Variants in NIT2 observed in about 807,000 individuals in gnomAD.
NIT2 encodes the protein omega-amidase NIT2.
Under a neutral mutation model 42.7 loss-of-function variants are expected in NIT2, and 46 were observed. The observed-to-expected ratio is 1.08, with a 90% CI of 0.85 to 1.38. The LOEUF (loss-of-function observed/expected upper bound fraction) is 1.38. Ranked by LOEUF, NIT2 falls within the 40% of genes most tolerant of loss-of-function variation. The pLI, the probability that NIT2 is intolerant of heterozygous loss-of-function variation, is 0.00. For synonymous variants in NIT2, 123 were observed against 121.9 expected (o/e 1.01, Z -0.06); for missense variants, 309 against 342.5 (o/e 0.90, Z 0.77).
intron 1 of NIT2, among the ~76,000 whole-genome samples, chr3:100,335,883 C>A (rs1024752820): frequency 6.6e-6 from 1 of 152,124 alleles, no homozygotes; most frequent in African/African-American, 2.4e-5. Context: ...TGGTGGCACG[C>A]CCCTTTAGTC....
chr3:100,352,137 T>C (rs1383167828), intron 7 of NIT2, among the ~76,000 whole-genome samples: 1 of 152,130 alleles, frequency 6.6e-6, no homozygotes, highest in Non-Finnish European at 1.5e-5. Context: ...TGTGGAGAAA[T>C]AGGAACACTT....
At chr3:100,339,062 T>C in intron 1 of NIT2, 25 bp from the exon 2 acceptor site, 2 of 1,474,962 alleles carry the variant, frequency 1.4e-6, no homozygotes, top group Admixed American at 3.3e-5. Context: ...TTCTGATAGC[T>C]GTTTTCTTTT....
intron 3 of NIT2, among the ~76,000 whole-genome samples, 179 bp downstream of exon 3, chr3:100,340,114 G>A (rs908212612): frequency 1.3e-5 from 2 of 152,100 alleles, no homozygotes; most frequent in African/African-American, 2.4e-5. Flanking sequence ...TTTGTCACCC[G>A]TGCTAGAGTA....
chr3:100,353,875 C>T (rs985626107), intron 8 of NIT2, among the ~76,000 whole-genome samples: 5 of 150,748 alleles, frequency 3.3e-5, no homozygotes, highest in Admixed American at 6.6e-5. Flanking sequence ...CTCCCGGGTT[C>T]GAGCCATTCT....
intron 7 of NIT2, chr3:100,349,140 G>A (rs1458715912): frequency 5.3e-5 from 17 of 323,278 alleles, no homozygotes; most frequent in East Asian, 2.1e-4. Context: ...TTTAAGAGAC[G>A]GGTCTTACCA....
intron 7 of NIT2, among the ~76,000 whole-genome samples, chr3:100,351,319 A>C (rs1452594322): frequency 6.6e-6 from 1 of 152,230 alleles, no homozygotes; most frequent in Admixed American, 6.5e-5. Flanking sequence ...AGCCAACAGA[A>C]CAAAGCTGGA....
At chr3:100,338,998 A>G (rs1576198369) in intron 1 of NIT2, 89 bp from the exon 2 acceptor site, 2 of 906,602 alleles carry the variant, frequency 2.2e-6, no homozygotes, top group South Asian at 1.3e-5. Context: ...CCCCGGGGAC[A>G]TAACTGCCTT....
chr3:100,351,563 G>A (rs1243547386), intron 7 of NIT2, among the ~76,000 whole-genome samples: 1 of 152,174 alleles, frequency 6.6e-6, no homozygotes, highest in Non-Finnish European at 1.5e-5. Context: ...TATGTAGAAA[G>A]CTGAAACTGG....
chr3:100,341,125 T>G lies in NIT2; in HGVS notation c.300T>G (p.Phe100Leu). Reference protein sequence around the residue: ...AGKLYNTCAVFGPDGTLLAKY... With the variant: ...AGKLYNTCAVLGPDGTLLAKY... ...AATTATATAACACCTGTGCTGTGTT[T>G]GGGCCTGATGGAACTTTACTAGCAA... The change falls in exon 4 of 10, where the codon TTT becomes TTG. Residue 100 changes from phenylalanine (F) to leucine (L), a missense_variant. Transcript: ENST00000394140. The G allele has an allele frequency of 6.2e-7, 1 of 1,613,668 alleles. No individual in the cohort carries two copies. The highest frequency in any genetic ancestry group is 8.5e-7 in the Non-Finnish European group (1 of 1,179,602).
At position 100,346,249 on chromosome 3, in the gene NIT2, C is replaced by T. The variant is rs763279064; in HGVS notation, c.499C>T (p.Gln167Ter). The T allele has an allele frequency of 6.2e-7, 1 of 1,613,948 alleles. No homozygotes were observed. Among genetic ancestry groups the T allele is most frequent in the Non-Finnish European group, 8.5e-7 (1 of 1,179,888 alleles). Residue 167 changes from glutamine to a stop codon, truncating the protein, a stop_gained, in exon 6 of 10, where the codon CAG (glutamine) becomes TAG (stop). Transcript: ENST00000394140. LOFTEE classifies it high-confidence loss of function. ...TGCAGAGCTTGCACAAATCTACGCACAGAGAGGTGAGGCAGTGTAATAGCT... is the reference window on the plus strand; with the variant it reads ...TGCAGAGCTTGCACAAATCTACGCATAGAGAGGTGAGGCAGTGTAATAGCT... Reference protein sequence around the residue: ...RFAELAQIYAQRGCQLLVYPG... With the variant: ...RFAELAQIYA
chr3:100,339,391 G>T (rs192861310), intron 2 of NIT2, among the ~76,000 whole-genome samples, 186 bp downstream of exon 2: 1 of 152,280 alleles, frequency 6.6e-6, no homozygotes, highest in Non-Finnish European at 1.5e-5. Flanking sequence ...TGCCAACACG[G>T]TCATAGGTCT....
At position 100,341,077 on chromosome 3, in the gene NIT2, T is replaced by G. The variant is rs534063897; in HGVS notation, c.252T>G (p.Ser84=). The G allele has an allele frequency of 2.6e-4, 426 of 1,609,330 alleles. 5 individuals carry two copies. The South Asian group carries it at 4.6e-3, about 17-fold the overall frequency. The change falls in exon 4 of 10, where the codon TCT becomes TCG. Residue 84 remains serine, a synonymous_variant. Transcript: ENST00000394140. ...KECSIYLIGG[S]IPEEDAGKLY... The stretch of plus-strand genomic sequence containing the variant: ...TGTTTCTTCTCTCAATGAAAGGCTC[T>G]ATCCCTGAAGAGGATGCTGGGAAAT...
In NIT2 at chr3:100,339,390, G is replaced by A. The variant is rs1043850794; in HGVS notation, c.126+185G>A. Among the ~76,000 whole-genome samples, 14 of 152,108 alleles carry A rather than the reference G, an allele frequency of 9.2e-5. 1 individual carries two copies. The highest frequency in any genetic ancestry group is 1.7e-4 in the African/African-American group (7 of 41,410). ...TTTGTGAGATAGGATGTGCCAACAC[G>A]GTCATAGGTCTTTAGGTTTTGGATC... is the stretch of plus-strand genomic sequence containing the variant. On this transcript the variant is annotated intron_variant, in intron 2 of 9. Transcript: ENST00000394140.
chr3:100,342,284 C>G (rs1706165406), intron 4 of NIT2, among the ~76,000 whole-genome samples: 1 of 152,020 alleles, frequency 6.6e-6, no homozygotes, highest in Non-Finnish European at 1.5e-5. Flanking sequence ...TCTCTTTTGT[C>G]AACAGCATAT....
chr3:100,346,115 T>A, intron 5 of NIT2, 66 bp from the exon 6 acceptor site: 1 of 1,276,052 alleles, frequency 7.8e-7, no homozygotes, highest in Non-Finnish European at 1.1e-6. Context: ...TCATGGAGGA[T>A]TTCCCCTGCC....
rs1355721553 is a variant in NIT2, at chr3:100,360,672, T to C, written c.*5404T>C. The C allele has an allele frequency of 2.0e-5, 3 of 152,018 alleles. No homozygotes were observed. The South Asian group carries it at 6.2e-4, about 32-fold the overall frequency. The allele number at this position is 152,018 out of a possible 1,614,324, so 9.4% of individuals were successfully genotyped here. ...ATGCTGTTGTCTAAGGCAGACACTG[T>C]AAAGCTCTACACTGCTGAAAAACTA... is the stretch of plus-strand genomic sequence containing the variant. On this transcript the variant is annotated 3_prime_UTR_variant, in exon 10 of 10. Coordinates refer to ENST00000394140, the MANE Select transcript of NIT2 (RefSeq NM_020202.5).
intron 6 of NIT2, among the ~76,000 whole-genome samples, chr3:100,347,385 C>T (rs529183601): frequency 6.6e-6 from 1 of 152,270 alleles, no homozygotes; most frequent in South Asian, 2.1e-4. Context: ...CATGAGCCAC[C>T]GCACCCAGCC....
At chr3:100,335,028 G>GGCCACCCGGCCGCGCC (rs1423031027) in intron 1 of NIT2, 1 of 535,604 alleles carries the variant, frequency 1.9e-6, no homozygotes, top group Non-Finnish European at 3.4e-6. Flanking sequence ...GAAAGCACCA[G>GGCCACCCGGCCGCGCC]GCCACCCGGC....
At position 100,352,597 on chromosome 3, in the gene NIT2, C is replaced by T. The variant is rs1308588601; in HGVS notation, c.683+95C>T. 3.4e-5 allele frequency: 28 copies of T among 831,942 alleles called. No individual in the cohort carries two copies. Among genetic ancestry groups the T allele is most frequent in the East Asian group, 2.7e-4 (10 of 36,896 alleles). 51.5% of individuals were successfully genotyped at this position (831,942 alleles called of 1,614,324 possible). On this transcript the variant is annotated intron_variant, in intron 8 of 9. Coordinates refer to ENST00000394140, the MANE Select transcript of NIT2 (RefSeq NM_020202.5). Reference sequence around the variant, plus strand: ...GTTTTCTGGTTCCTGAGCAGCCAGGCGCTCACTTCTCACTCCCATTTCCCC... The same window carrying T: ...GTTTTCTGGTTCCTGAGCAGCCAGGTGCTCACTTCTCACTCCCATTTCCCC...
Sources: gnomAD v4.1 joint callset for allele counts (sites outside exome capture counted in the v4.1 genomes callset) on GRCh38, gnomAD v4.1.1 for gene constraint, MANE v1.5 for transcripts, NCBI Gene and HGNC (gene_info 2026-07-23, HGNC 2026-07-21) for gene names.